Variants in ZFHX3 observed in about 807,000 individuals in gnomAD.
ZFHX3 encodes zinc finger homeobox protein 3.
ZFHX3 carries 42 observed loss-of-function variants against 279.1 expected under a neutral mutation model. The observed-to-expected ratio is 0.15, with a 90% CI of 0.12 to 0.19. The LOEUF (loss-of-function observed/expected upper bound fraction) is 0.19. Among genes scored for constraint, ZFHX3 ranks in the 10% least tolerant of loss-of-function variants. The probability of loss-of-function intolerance (pLI) is 1.00; values close to 1 mark genes in which losing one functional copy is unlikely to be tolerated. For synonymous variants in ZFHX3, 2,293 were observed against 1,957.8 expected, an observed-to-expected ratio of 1.17 and a Z score of -4.52; for missense variants, 4,981 against 4,754.0, an observed-to-expected ratio of 1.05 and a Z score of -1.40.
At chr16:72,993,108 C>A (rs763077410) in intron 1 of ZFHX3, among the ~76,000 whole-genome samples, 1 of 152,200 alleles carries the variant, frequency 6.6e-6, no homozygotes, top group East Asian at 1.9e-4. Context: ...TGCACCCCAG[C>A]CTGGGTGACA....
intron 2 of ZFHX3, among the ~76,000 whole-genome samples, chr16:73,484,691 T>G (rs1326195209): frequency 6.6e-6 from 1 of 152,208 alleles, no homozygotes; most frequent in Non-Finnish European, 1.5e-5. Flanking sequence ...ATTCTCTCCT[T>G]TAAAACAATC....
At chr16:73,666,712 C>T (rs376197488) in intron 2 of ZFHX3, among the ~76,000 whole-genome samples, 4 of 151,876 alleles carry the variant, frequency 2.6e-5, no homozygotes, top group African/African-American at 9.7e-5. Context: ...ACCACTACAA[C>T]CGAGATACTG....
At chr16:73,502,658 A>G (rs1296795721) in intron 2 of ZFHX3, among the ~76,000 whole-genome samples, 4 of 152,306 alleles carry the variant, frequency 2.6e-5, no homozygotes, top group Non-Finnish European at 4.4e-5. Flanking sequence ...TCTCTCGGAC[A>G]CCCAGTCTTG....
At chr16:73,684,385 G>C (rs184111781) in intron 1 of ZFHX3, among the ~76,000 whole-genome samples, 1 of 151,706 alleles carries the variant, frequency 6.6e-6, no homozygotes, top group Non-Finnish European at 1.5e-5. Flanking sequence ...CTTTAGGAGC[G>C]AATTAGACTA....
intron 8 of ZFHX3, among the ~76,000 whole-genome samples, chr16:73,066,461 G>A (rs753179414): frequency 9.2e-5 from 14 of 152,170 alleles, no homozygotes; most frequent in Admixed American, 2.6e-4. Context: ...ACTCCCGGGA[G>A]GAAGCCTCGG....
chr16:73,268,494 G>T (rs541975001), intron 4 of ZFHX3, among the ~76,000 whole-genome samples: 1 of 152,190 alleles, frequency 6.6e-6, no homozygotes, highest in African/African-American at 2.4e-5. Flanking sequence ...TGCGCCCGAC[G>T]CAGGGCATGG....
intron 1 of ZFHX3, among the ~76,000 whole-genome samples, chr16:72,993,928 G>A (rs1963184704): frequency 2.0e-5 from 3 of 152,076 alleles, no homozygotes; most frequent in Admixed American, 2.0e-4. Flanking sequence ...TAAAAACCAG[G>A]GTAGCAGCAG....
At chr16:73,774,485 C>G (rs2054054949) in intron 1 of ZFHX3, among the ~76,000 whole-genome samples, 2 of 152,202 alleles carry the variant, frequency 1.3e-5, no homozygotes, top group African/African-American at 4.8e-5. Context: ...CCCATATGCT[C>G]TGTTCTTCCT....
chr16:73,286,486 G>C (rs1337766655), intron 4 of ZFHX3, among the ~76,000 whole-genome samples: 2 of 152,200 alleles, frequency 1.3e-5, no homozygotes, highest in Admixed American at 6.6e-5. Flanking sequence ...TGGTGTACGG[G>C]AAGAGTGTTC....
chr16:73,829,338 C>T (rs1960931936), intron 1 of ZFHX3, among the ~76,000 whole-genome samples: 2 of 72,500 alleles, frequency 2.8e-5, no homozygotes, highest in African/African-American at 1.1e-4. Flanking sequence ...AACTTCTTTG[C>T]CTTTGGTTTG....
intron 5 of ZFHX3, among the ~76,000 whole-genome samples, chr16:73,157,019 T>C (rs992767485): frequency 6.6e-6 from 1 of 151,878 alleles, no homozygotes; most frequent in Non-Finnish European, 1.5e-5. Context: ...GCCTCCTGGC[T>C]TATTTTTTAA....
chr16:73,415,736 C>T (rs141003633), intron 3 of ZFHX3, among the ~76,000 whole-genome samples: 10 of 152,252 alleles, frequency 6.6e-5, no homozygotes, highest in South Asian at 2.1e-4. Context: ...AGTTTGGTGA[C>T]GCCAGTTGCA....
chr16:72,850,627 A>G (rs58623323), intron 4 of ZFHX3, among the ~76,000 whole-genome samples: 54 of 139,740 alleles, frequency 3.9e-4, no homozygotes, highest in African/African-American at 1.3e-3. Flanking sequence ...TCACCAGGGC[A>G]TTAACACCAG....
chr16:73,260,156 T>C (rs2013778396), intron 4 of ZFHX3, among the ~76,000 whole-genome samples: 1 of 152,196 alleles, frequency 6.6e-6, no homozygotes, highest in Non-Finnish European at 1.5e-5. Flanking sequence ...TCCCTCATTT[T>C]AGGTTTGTCT....
At chr16:73,486,318 C>T (rs1446032303) in intron 2 of ZFHX3, among the ~76,000 whole-genome samples, 2 of 152,238 alleles carry the variant, frequency 1.3e-5, no homozygotes, top group African/African-American at 4.8e-5. Context: ...GGTATTGAAA[C>T]ACCAGAAAAT....
chr16:73,091,173 T>C (rs1966075536), intron 8 of ZFHX3, among the ~76,000 whole-genome samples: 1 of 148,602 alleles, frequency 6.7e-6, no homozygotes, highest in Admixed American at 6.8e-5. Flanking sequence ...ATCACGCCAC[T>C]GTACTCCAGC....
chr16:73,736,105 C>T (rs1002720946), intron 1 of ZFHX3, among the ~76,000 whole-genome samples: 4 of 152,064 alleles, frequency 2.6e-5, no homozygotes. Flanking sequence ...AGCATGCCAT[C>T]TTTTCTTTCA....
chr16:73,712,876 C>G (rs1044440196), intron 1 of ZFHX3, among the ~76,000 whole-genome samples: 2 of 152,218 alleles, frequency 1.3e-5, no homozygotes, highest in African/African-American at 4.8e-5. Flanking sequence ...TTGCCTCATG[C>G]TGGAGAGACT....
At chr16:72,801,508 T>G (rs551006254) in intron 7 of ZFHX3, among the ~76,000 whole-genome samples, 1 of 152,172 alleles carries the variant, frequency 6.6e-6, no homozygotes, top group Non-Finnish European at 1.5e-5. Context: ...CAACATAGGA[T>G]AACTCCTCAT....
Sources: gnomAD v4.1 joint callset for allele counts (sites outside exome capture counted in the v4.1 genomes callset) on GRCh38, gnomAD v4.1.1 for gene constraint, MANE v1.5 for transcripts, NCBI Gene and HGNC (gene_info 2026-07-23, HGNC 2026-07-21) for gene names.